TEX11: variants seen among roughly 807,000 people sequenced by gnomAD.
TEX11 encodes the protein testis-expressed protein 11.
In TEX11, 7 loss-of-function variants were observed where a neutral mutation model predicts 84.4. That is an observed-to-expected ratio of 0.08 (90% CI 0.05 to 0.16). TEX11 has a LOEUF of 0.16. Among genes scored for constraint, TEX11 ranks in the 10% least tolerant of loss-of-function variants. The pLI is 1.00. For synonymous variants in TEX11, 264 were observed against 222.8 expected (o/e 1.18, Z -1.64); for missense variants, 551 against 660.5 (o/e 0.83, Z 1.82).
At chrX:70,821,604 G>A (rs189140701) in intron 8 of TEX11, among the ~76,000 whole-genome samples, 2 of 111,956 alleles carry the variant, frequency 1.8e-5, no homozygotes, top group Admixed American at 1.9e-4. Flanking sequence ...CTGTAGAACC[G>A]TGAGCCAATT....
intron 9 of TEX11, among the ~76,000 whole-genome samples, chrX:70,779,001 G>C (rs1326502426): frequency 9.0e-6 from 1 of 110,968 alleles, no homozygotes; most frequent in African/African-American, 3.3e-5. Flanking sequence ...CTTGAGATTA[G>C]TCTAGGCAAC....
chrX:70,765,278 C>G, intron 9 of TEX11, among the ~76,000 whole-genome samples: 1 of 110,877 alleles, frequency 9.0e-6, no homozygotes, highest in Admixed American at 9.6e-5. Flanking sequence ...CCCAGCTACT[C>G]GGGTGGCTGA....
rs185832938 is a variant in TEX11, at chrX:70,743,687, C to T, written c.747+478G>A. On this transcript the variant is annotated intron_variant, in intron 10 of 29. Transcript: ENST00000374333. ...GGTCAGGAGTTCCAGACCAGCCTGG[C>T]CAACATGGCAGAACCCCGTCTCTGC... Among the ~76,000 whole-genome samples the T allele has an allele frequency of 5.0e-3, 552 of 110,572 alleles. 3 individuals carry two copies. Among genetic ancestry groups the T allele is most frequent in the African/African-American group, 0.017 (525 of 30,453 alleles).
chrX:70,904,848 T>A (rs1416193400), intron 2 of TEX11, among the ~76,000 whole-genome samples: 2 of 112,894 alleles, frequency 1.8e-5, no homozygotes, highest in Admixed American at 1.9e-4. Flanking sequence ...TATGTTATAA[T>A]AACATTTTTG....
chrX:70,774,417 C>T (rs2090989761), intron 9 of TEX11, among the ~76,000 whole-genome samples: 1 of 110,741 alleles, frequency 9.0e-6, no homozygotes, highest in African/African-American at 3.3e-5. Flanking sequence ...GGCATCCGAA[C>T]TGGAAAAGAG....
intron 9 of TEX11, among the ~76,000 whole-genome samples, chrX:70,769,980 C>G (rs910604857): frequency 1.3e-4 from 15 of 111,496 alleles, no homozygotes; most frequent in Non-Finnish European, 1.9e-5. Context: ...CATTCCATGC[C>G]TGTGACACAC....
chrX:70,534,178 G>A lies in TEX11; in HGVS notation c.2521-4179C>T, dbSNP rs1329226877. On this transcript the variant is annotated intron_variant, in intron 28 of 29. Coordinates refer to ENST00000374333, the MANE Select transcript of TEX11 (RefSeq NM_031276.3). The stretch of plus-strand genomic sequence containing the variant: ...AGGAAGAAAGCAAGAGTAGATGTGA[G>A]GCCAGTTAAAAGGTTCCTGAGATCA... 2.7e-5 allele frequency among the ~76,000 whole-genome samples: 3 copies of A among 109,571 alleles called. No individual in the cohort carries two copies. In the Admixed American group the frequency reaches 3.0e-4, roughly 11 times the overall value.
At chrX:70,793,740 C>T (rs931186366) in intron 9 of TEX11, among the ~76,000 whole-genome samples, 7 of 110,903 alleles carry the variant, frequency 6.3e-5, no homozygotes, top group African/African-American at 2.3e-4. Flanking sequence ...CTAATACGTA[C>T]TATATATCCT....
chrX:70,621,543 AAAAAAAAAATAT>A (rs2089388878), intron 20 of TEX11, among the ~76,000 whole-genome samples: 1 of 28,483 alleles, frequency 3.5e-5, no homozygotes, highest in African/African-American at 1.1e-4. Flanking sequence ...AAAAAAAAAA[AAAAAAAAAATAT>A]ATATATATAT....
chrX:70,634,477 T>C (rs1012510077), intron 17 of TEX11, among the ~76,000 whole-genome samples: 1 of 111,956 alleles, frequency 8.9e-6, no homozygotes, highest in Admixed American at 9.5e-5. Flanking sequence ...AGCATGGGAA[T>C]AGTGTAAGGA....
At chrX:70,710,694 A>C (rs1297883536) in intron 13 of TEX11, among the ~76,000 whole-genome samples, 1 of 110,897 alleles carries the variant, frequency 9.0e-6, no homozygotes, top group African/African-American at 3.3e-5. Context: ...TCTGCATCTT[A>C]ACATGATCTT....
At chrX:70,744,941 G>A (rs937805681) in intron 9 of TEX11, among the ~76,000 whole-genome samples, 159 of 106,436 alleles carry the variant, frequency 1.5e-3, no homozygotes, top group African/African-American at 5.3e-3. Flanking sequence ...GGTTGGTCTC[G>A]AACTCCGGAG....
chrX:70,859,905 A>T (rs1213259410), intron 5 of TEX11, among the ~76,000 whole-genome samples: 5 of 111,099 alleles, frequency 4.5e-5, no homozygotes, highest in African/African-American at 1.6e-4. Context: ...AATCCCAGCT[A>T]CTCAGGAGGC....
the TEX11 span, among the ~76,000 whole-genome samples, chrX:70,513,728 G>A: frequency 9.3e-6 from 1 of 107,786 alleles, no homozygotes; most frequent in Admixed American, 9.9e-5. Context: ...TGGATTGCTG[G>A]GCTCTTGGCT....
chrX:70,873,342 A>C (rs369576326), intron 3 of TEX11, 35 bp from the exon 4 acceptor site: 1 of 915,197 alleles, frequency 1.1e-6, no homozygotes, highest in African/African-American at 1.9e-5. Context: ...AGTTAGTTAA[A>C]ATACTGGCCA....
intron 9 of TEX11, 139 bp downstream of exon 9, chrX:70,806,566 G>A (rs2091220952): frequency 2.3e-6 from 1 of 442,276 alleles, no homozygotes; most frequent in African/African-American, 2.5e-5. Flanking sequence ...AACAATACAT[G>A]TTAAAAGAGT....
At chrX:70,683,368 C>G (rs1233135655) in intron 13 of TEX11, among the ~76,000 whole-genome samples, 2 of 111,955 alleles carry the variant, frequency 1.8e-5, no homozygotes, top group Admixed American at 1.9e-4. Context: ...TGGTGGTTCA[C>G]GCCTGTAATC....
intron 25 of TEX11, among the ~76,000 whole-genome samples, chrX:70,567,019 G>T (rs1410700838): frequency 3.6e-5 from 4 of 111,555 alleles, no homozygotes; most frequent in Admixed American, 2.9e-4. Flanking sequence ...ATTCGGCTGT[G>T]AATCCATCTG....
chrX:70,682,399 T>C (rs1241062368), intron 14 of TEX11, among the ~76,000 whole-genome samples: 1 of 111,754 alleles, frequency 8.9e-6, no homozygotes, highest in Non-Finnish European at 1.9e-5. Flanking sequence ...AAATTAGGCT[T>C]GTAACCTCAC....
Sources: allele counts gnomAD v4.1 joint callset (sites outside exome capture counted in the v4.1 genomes callset), GRCh38; gene constraint gnomAD v4.1.1; transcripts MANE v1.5; gene names NCBI Gene and HGNC (gene_info 2026-07-23, HGNC 2026-07-21).